The following PSMD1 variants were observed in gnomAD, a reference collection of about 807,000 sequenced individuals.
PSMD1 encodes 26S proteasome non-ATPase regulatory subunit 1.
Under a neutral mutation model 119.0 loss-of-function variants are expected in PSMD1, and 18 were observed. That is an observed-to-expected ratio of 0.15 (90% CI 0.10 to 0.22). The LOEUF (loss-of-function observed/expected upper bound fraction) is 0.22. PSMD1 is among the 10% of genes least tolerant of loss of function. The pLI, the probability that PSMD1 is intolerant of heterozygous loss-of-function variation, is 1.00. For missense variants in PSMD1, 702 were observed against 1,158.5 expected, an observed-to-expected ratio of 0.61 and a Z score of 5.72; for synonymous variants, 374 against 396.6, an observed-to-expected ratio of 0.94 and a Z score of 0.68.
At chr2:231,062,760 A>T in intron 4 of PSMD1, 85 bp downstream of exon 4, 1 of 1,136,616 alleles carries the variant, frequency 8.8e-7, no homozygotes, top group Non-Finnish European at 1.2e-6. Context: ...CCTGAATTTG[A>T]TGTTGCCAAA....
chr2:231,145,894 C>CAAAAA (rs36124651), intron 17 of PSMD1, among the ~76,000 whole-genome samples: 5 of 46,538 alleles, frequency 1.1e-4, no homozygotes, highest in Admixed American at 2.9e-4. Flanking sequence ...AGCTACATCT[C>CAAAAA]AAAAAAAAAA....
intron 7 of PSMD1, among the ~76,000 whole-genome samples, chr2:231,072,910 A>G (rs1041266493): frequency 6.6e-6 from 1 of 152,184 alleles, no homozygotes; most frequent in Non-Finnish European, 1.5e-5. Flanking sequence ...ATCACTTACT[A>G]AAAACATTTG....
chr2:231,146,449 T>G lies in PSMD1; in HGVS notation c.2115+93T>G. The G allele has an allele frequency of 3.5e-6, 3 of 861,194 alleles. No homozygotes were observed. In the South Asian group the frequency reaches 4.5e-5, roughly 13 times the overall value. The allele number at this position is 861,194 out of a possible 1,614,324, so 53.3% of individuals were successfully genotyped here. ...TTGAGGACGTTTTTTAGTTCAAATA[T>G]GGTAAACACTGAAAGTAAAGTAAAA... On this transcript the variant is annotated intron_variant, in intron 18 of 24. Coordinates refer to ENST00000308696, the MANE Select transcript of PSMD1 (RefSeq NM_002807.4).
rs1435360004 is a variant in PSMD1, at chr2:231,170,958, A to G, written c.*9+237A>G. Among the ~76,000 whole-genome samples the G allele has an allele frequency of 6.6e-6, 1 of 152,108 alleles. No homozygotes were observed. Among genetic ancestry groups the G allele is most frequent in the African/African-American group, 2.4e-5 (1 of 41,406 alleles). On this transcript the variant is annotated intron_variant, in intron 24 of 24. Coordinates refer to ENST00000308696, the MANE Select transcript of PSMD1 (RefSeq NM_002807.4). This position sits in a 1 kb window ranked among gnomAD's most constrained non-coding sequence, Gnocchi z 4.1. The stretch of plus-strand genomic sequence containing the variant: ...ATTCAAAGTGGCTGGTCTGCAAACT[A>G]TTTTTATAGGTCCATAAGGAGATAG...
chr2:231,092,196 G>A (rs1320524010), intron 16 of PSMD1, among the ~76,000 whole-genome samples: 1 of 152,166 alleles, frequency 6.6e-6, no homozygotes, highest in Admixed American at 6.5e-5. Context: ...GGCAAGAGCA[G>A]AGGAACCTTG....
At chr2:231,141,305 G>GA (rs113261309) in intron 17 of PSMD1, among the ~76,000 whole-genome samples, 3,842 of 78,194 alleles carry the variant, frequency 0.049, 161 homozygotes, top group African/African-American at 0.14. Flanking sequence ...TGTCTCAAAA[G>GA]AAAAAAAAAA....
At position 231,160,919 on chromosome 2, in the gene PSMD1, T is replaced by C. The variant is rs79801488; in HGVS notation, c.2219-421T>C. Among the ~76,000 whole-genome samples the C allele has an allele frequency of 1.1e-4, 17 of 152,296 alleles. No individual in the cohort carries two copies. In the East Asian group the frequency reaches 3.3e-3, roughly 29 times the overall value. The stretch of plus-strand genomic sequence containing the variant: ...TCCCTACTGCAGCACTTACAAATCT[T>C]TATTATTGCCTGGGTGTAGTGCCTC... On this transcript the variant is annotated intron_variant, in intron 19 of 24. Transcript: ENST00000308696.
At chr2:231,159,334 T>TGCAAGATTTTGGACAAAATCC (rs1486576853) in intron 19 of PSMD1, among the ~76,000 whole-genome samples, 2 of 152,226 alleles carry the variant, frequency 1.3e-5, no homozygotes, top group Non-Finnish European at 2.9e-5. Context: ...TAACAAAATT[T>TGCAAGATTTTGGACAAAATCC]GCAAGATTTT....
At chr2:231,123,049 A>G (rs907306754) in intron 16 of PSMD1, among the ~76,000 whole-genome samples, 3 of 152,156 alleles carry the variant, frequency 2.0e-5, no homozygotes, top group Non-Finnish European at 4.4e-5. Context: ...GAAGTGTCCT[A>G]GTTATTGCTT....
chr2:231,066,574 C>T (rs1252421237), intron 4 of PSMD1, among the ~76,000 whole-genome samples: 1 of 152,024 alleles, frequency 6.6e-6, no homozygotes, highest in East Asian at 1.9e-4. Flanking sequence ...AGACAGGGTC[C>T]CATTGTGGTG....
chr2:231,057,007 GC>G lies in PSMD1; in HGVS notation c.-18del. 1.3e-6 allele frequency: 2 copies of G among 1,540,196 alleles called. No individual in the cohort carries two copies. Among genetic ancestry groups the G allele is most frequent in the Middle Eastern group, 1.9e-4 (1 of 5,162 alleles). On this transcript the variant is annotated 5_prime_UTR_variant, in exon 1 of 25. Coordinates refer to ENST00000308696, the MANE Select transcript of PSMD1 (RefSeq NM_002807.4). ...GCTGGAACGGCGAGCGAGCCGACGG[GC>G]GAGTGAGGGGCGCAGCCATGATCAC... is the stretch of plus-strand genomic sequence containing the variant.
chr2:231,165,768 T>C, intron 22 of PSMD1, 103 bp from the exon 23 acceptor site: 1 of 1,011,380 alleles, frequency 9.9e-7, no homozygotes, highest in Non-Finnish European at 1.4e-6. Context: ...TACCGACCAC[T>C]ACCTCTTGTA....
chr2:231,096,865 G>A (rs1005477278), intron 16 of PSMD1, among the ~76,000 whole-genome samples: 2 of 152,216 alleles, frequency 1.3e-5, no homozygotes, highest in Admixed American at 6.5e-5. Context: ...GGGAGTCAGG[G>A]CAGAGCAGGT....
chr2:231,066,187 G>A (rs1001132828), intron 4 of PSMD1, among the ~76,000 whole-genome samples: 3 of 152,192 alleles, frequency 2.0e-5, no homozygotes, highest in South Asian at 4.1e-4. Flanking sequence ...GTCATTAAGC[G>A]ACACAGGACT....
At chr2:231,156,977 T>C (rs1392711918) in intron 19 of PSMD1, among the ~76,000 whole-genome samples, 1 of 152,242 alleles carries the variant, frequency 6.6e-6, no homozygotes, top group Non-Finnish European at 1.5e-5. Flanking sequence ...CAGATTTTCA[T>C]ATAGTTTGAA....
At chr2:231,091,115 C>T (rs1694578669) in intron 16 of PSMD1, among the ~76,000 whole-genome samples, 1 of 152,138 alleles carries the variant, frequency 6.6e-6, no homozygotes, top group African/African-American at 2.4e-5. Context: ...AGAGAGTTAG[C>T]CGCCTCTATA....
chr2:231,154,623 A>G (rs1479701854), intron 19 of PSMD1, among the ~76,000 whole-genome samples: 2 of 152,156 alleles, frequency 1.3e-5, no homozygotes, highest in African/African-American at 4.8e-5. Flanking sequence ...ATATGTCACC[A>G]CACCCAACTA....
At chr2:231,113,956 A>G (rs1022356658) in intron 16 of PSMD1, 1 of 1,591,358 alleles carries the variant, frequency 6.3e-7, no homozygotes, top group South Asian at 1.1e-5. Context: ...CAAGACAAAC[A>G]TTTTATTCTA....
At chr2:231,103,194 A>G (rs927547192) in intron 16 of PSMD1, among the ~76,000 whole-genome samples, 7 of 152,330 alleles carry the variant, frequency 4.6e-5, no homozygotes, top group South Asian at 2.1e-4. Context: ...ATAAAACAGA[A>G]CAAAACACAG....
Sources: allele counts gnomAD v4.1 joint callset (sites outside exome capture counted in the v4.1 genomes callset), GRCh38; gene constraint gnomAD v4.1.1; non-coding constraint Gnocchi (gnomAD v3.1); transcripts MANE v1.5; gene names NCBI Gene and HGNC (gene_info 2026-07-23, HGNC 2026-07-21).